The following PLXNA4 variants were observed in gnomAD, a reference collection of about 807,000 sequenced individuals.
PLXNA4 encodes plexin A4.
In PLXNA4, 44 loss-of-function variants were observed where a neutral mutation model predicts 191.8. The observed-to-expected ratio is 0.23, with a 90% CI of 0.18 to 0.29. The LOEUF (loss-of-function observed/expected upper bound fraction) is 0.29. Ranked by LOEUF, PLXNA4 falls within the 10% of genes least tolerant of loss-of-function variation. The pLI is 1.00. For synonymous variants in PLXNA4, 1,082 were observed against 1,009.5 expected (o/e 1.07, Z -1.36); for missense variants, 1,800 against 2,488.8 (o/e 0.72, Z 5.89).
chr7:132,630,701 T>C (rs191638665), intron 2 of PLXNA4, among the ~76,000 whole-genome samples: 118 of 151,710 alleles, frequency 7.8e-4, no homozygotes, highest in African/African-American at 2.9e-3. Context: ...TTAGTAGAGA[T>C]GGGGTTTCAC....
intron 5 of PLXNA4, among the ~76,000 whole-genome samples, chr7:132,239,129 G>C (rs1008040016): frequency 6.6e-6 from 1 of 152,162 alleles, no homozygotes; most frequent in South Asian, 2.1e-4. Flanking sequence ...TTCATGAACT[G>C]CCCAGACTTC....
chr7:132,405,980 G>A (rs1794203335), intron 3 of PLXNA4, among the ~76,000 whole-genome samples: 1 of 152,312 alleles, frequency 6.6e-6, no homozygotes, highest in African/African-American at 2.4e-5. Flanking sequence ...CATACGATGA[G>A]TTTGTGGCCC....
At chr7:132,240,527 T>C (rs1007601526) in intron 5 of PLXNA4, among the ~76,000 whole-genome samples, 3 of 152,200 alleles carry the variant, frequency 2.0e-5, no homozygotes, top group African/African-American at 7.2e-5. Context: ...TTGGCAGCAG[T>C]GGGAGGGTCC....
intron 3 of PLXNA4, among the ~76,000 whole-genome samples, chr7:132,376,936 G>A (rs757180881): frequency 1.3e-5 from 2 of 152,154 alleles, no homozygotes; most frequent in Admixed American, 1.3e-4. Flanking sequence ...CCCACCTATG[G>A]CAATGTTTGC....
chr7:132,518,146 C>T (rs1265873827), intron 1 of PLXNA4, among the ~76,000 whole-genome samples: 5 of 152,194 alleles, frequency 3.3e-5, no homozygotes, highest in Non-Finnish European at 5.9e-5. Flanking sequence ...ACCCCATGTA[C>T]TTGGCCACCT....
At chr7:132,141,988 C>T (rs932821913) in intron 29 of PLXNA4, among the ~76,000 whole-genome samples, 1 of 152,164 alleles carries the variant, frequency 6.6e-6, no homozygotes, top group African/African-American at 2.4e-5. Flanking sequence ...CCTCTGCATC[C>T]CAAAGTGTTG....
Position 132,182,153 on chromosome 7 carries a change from C to G in PLXNA4, c.3196G>C (p.Asp1066His). 6.2e-7 allele frequency: 1 copy of G among 1,614,138 alleles called. No homozygotes were observed. The highest frequency in any genetic ancestry group is 1.1e-5 in the South Asian group (1 of 91,082). Residue 1066 changes from aspartate to histidine, a missense_variant, in exon 17 of 32, where the codon GAC (aspartate) becomes CAC (histidine). By Grantham distance (81) the Asp-to-His change is moderately conservative. This residue lies in a region of PLXNA4 where 1,397 missense variants were observed against 1,880.4 expected (regional missense o/e 0.74). Transcript: ENST00000321063. The stretch of plus-strand genomic sequence containing the variant: ...CGGATCTGGGGGTTCTGTATGAGGT[C>G]CAGGTGGGTCCCCCATACGGCGATG... ...TPIAVWGTHL[D>H]LIQNPQIRAK...
At chr7:132,565,207 C>T (rs759305581) in intron 1 of PLXNA4, among the ~76,000 whole-genome samples, 20 of 152,162 alleles carry the variant, frequency 1.3e-4, no homozygotes, top group South Asian at 1.2e-3. Flanking sequence ...GCTGCAGACG[C>T]GAAACAGCAA....
At chr7:132,273,750 CTCTCA>C (rs945092485) in intron 4 of PLXNA4, among the ~76,000 whole-genome samples, 16 of 152,124 alleles carry the variant, frequency 1.1e-4, no homozygotes, top group Admixed American at 4.6e-4. Context: ...GTAACACCAG[CTCTCA>C]TCTATCTACA....
At chr7:132,362,648 G>T (rs1224484284) in intron 3 of PLXNA4, among the ~76,000 whole-genome samples, 1 of 152,170 alleles carries the variant, frequency 6.6e-6, no homozygotes, top group Admixed American at 6.5e-5. Context: ...TTAGAAGAAA[G>T]TCCTGGTATC....
At chr7:132,342,127 C>T (rs928616793) in intron 3 of PLXNA4, among the ~76,000 whole-genome samples, 8 of 151,634 alleles carry the variant, frequency 5.3e-5, no homozygotes, top group Non-Finnish European at 1.2e-4. Flanking sequence ...CCTAAGCCAG[C>T]TCTGTCTCTT....
In PLXNA4 at chr7:132,623,997, G is replaced by A. The variant is rs373964130; in HGVS notation, c.-87+21931C>T. On this transcript the variant is annotated intron_variant, in intron 2 of 4. Transcript: ENST00000378539. Reference sequence around the variant, plus strand: ...AGTCTTTGAATTGCCATCACTAATAGTCACAGCATATTGGCCACATAGCAT... The same window carrying A: ...AGTCTTTGAATTGCCATCACTAATAATCACAGCATATTGGCCACATAGCAT... Among the ~76,000 whole-genome samples, 4 of 152,318 alleles carry A rather than the reference G, an allele frequency of 2.6e-5. No individual in the cohort carries two copies. The East Asian group carries it at 7.7e-4, about 29-fold the overall frequency.
intron 4 of PLXNA4, among the ~76,000 whole-genome samples, chr7:132,287,142 C>T (rs1800712679): frequency 6.6e-6 from 1 of 152,158 alleles, no homozygotes; most frequent in South Asian, 2.1e-4. Context: ...TCAAGTGATG[C>T]TCATGCCTCA....
In PLXNA4 at chr7:132,611,396, T is replaced by C. The variant is rs116875699; in HGVS notation, c.-87+34532A>G. ...AACTCCAGCCTTTGGCAAACATATC[T>C]TAACGCTTCCAAATCCACGCTCCGA... On this transcript the variant is annotated intron_variant, in intron 2 of 4. Transcript: ENST00000378539. Among the ~76,000 whole-genome samples the C allele has an allele frequency of 1.9e-3, 287 of 152,310 alleles. 4 individuals are homozygous for C. In the East Asian group the frequency reaches 0.043, roughly 23 times the overall value.
intron 3 of PLXNA4, among the ~76,000 whole-genome samples, chr7:132,361,332 G>A (rs900215694): frequency 3.9e-5 from 6 of 152,170 alleles, no homozygotes; most frequent in Non-Finnish European, 7.3e-5. Context: ...GAGCCAACAC[G>A]TGTTGTGCTG....
intron 3 of PLXNA4, among the ~76,000 whole-genome samples, chr7:132,400,086 G>A (rs1315883897): frequency 1.3e-5 from 2 of 151,992 alleles, no homozygotes; most frequent in Admixed American, 1.3e-4. Flanking sequence ...TACCCCCGGA[G>A]AAAAAATAAA....
intron 5 of PLXNA4, among the ~76,000 whole-genome samples, chr7:132,236,084 A>G (rs1257872097): frequency 1.3e-5 from 2 of 152,194 alleles, no homozygotes; most frequent in Non-Finnish European, 2.9e-5. Flanking sequence ...CGAGTGCTTC[A>G]TGACAATTGA....
chr7:132,478,755 G>A (rs189741051), intron 3 of PLXNA4, among the ~76,000 whole-genome samples: 18 of 152,250 alleles, frequency 1.2e-4, no homozygotes, highest in African/African-American at 4.1e-4. Context: ...ATGAGGGCAG[G>A]TCGTCAGGTG....
intron 1 of PLXNA4, among the ~76,000 whole-genome samples, chr7:132,647,362 T>C (rs577487783): frequency 2.5e-4 from 37 of 145,802 alleles, no homozygotes; most frequent in African/African-American, 8.7e-4. Flanking sequence ...TACACTGACA[T>C]ACACACACAC....
Sources: gnomAD v4.1 joint callset for allele counts (sites outside exome capture counted in the v4.1 genomes callset) on GRCh38, gnomAD v4.1.1 for gene constraint, gnomAD v4.1.1 regional missense constraint, MANE v1.5 for transcripts, NCBI Gene and HGNC (gene_info 2026-07-23, HGNC 2026-07-21) for gene names.